The following DPYSL3 variants were observed in gnomAD, a reference collection of about 807,000 sequenced individuals.
DPYSL3 encodes dihydropyrimidinase-related protein 3.
Under a neutral mutation model 66.1 loss-of-function variants are expected in DPYSL3, and 16 were observed. That is an observed-to-expected ratio of 0.24 (90% CI 0.16 to 0.37). The LOEUF is 0.37. Ranked by LOEUF, DPYSL3 falls within the 10% of genes least tolerant of loss-of-function variation. The pLI, the probability that DPYSL3 is intolerant of heterozygous loss-of-function variation, is 1.00. For synonymous variants in DPYSL3, 338 were observed against 345.1 expected, an observed-to-expected ratio of 0.98 and a Z score of 0.23; for missense variants, 738 against 916.2, an observed-to-expected ratio of 0.81 and a Z score of 2.51.
intron 1 of DPYSL3, among the ~76,000 whole-genome samples, chr5:147,461,826 T>C (rs774824383): frequency 3.3e-5 from 5 of 152,118 alleles, no homozygotes; most frequent in Non-Finnish European, 5.9e-5. Flanking sequence ...CATTTATTAA[T>C]TGGAATAGAC....
intron 8 of DPYSL3, among the ~76,000 whole-genome samples, chr5:147,403,455 A>C (rs1758249143): frequency 6.6e-6 from 1 of 152,172 alleles, no homozygotes; most frequent in Non-Finnish European, 1.5e-5. Flanking sequence ...CAGCTCTCCC[A>C]GCTGGGAGAT....
rs140273603 is a variant in DPYSL3, at chr5:147,418,708, G to T, written c.471-77C>A. 930 of 1,318,804 alleles carry T rather than the reference G, an allele frequency of 7.1e-4. 3 individuals carry two copies. The African/African-American group carries it at 9.9e-3, about 14-fold the overall frequency. The allele number at this position is 1,318,804 out of a possible 1,614,324, so 81.7% of individuals were successfully genotyped here. A position where few individuals can be genotyped will look rare whatever the true frequency, so the allele number is the denominator to read the frequency against. On this transcript the variant is annotated intron_variant, in intron 2 of 13. Transcript: ENST00000343218. ...TGCAATTTCCAAGACAAATATAGTG[G>T]TATAAGGATTTTAAACAGTGTTACT...
intron 3 of DPYSL3, among the ~76,000 whole-genome samples, chr5:147,417,043 T>C (rs1186902850): frequency 6.6e-6 from 1 of 152,208 alleles, no homozygotes; most frequent in Non-Finnish European, 1.5e-5. Context: ...CTAACAGCGA[T>C]GTGGGATTAG....
chr5:147,417,888 C>T (rs981391350), intron 3 of DPYSL3, among the ~76,000 whole-genome samples: 10 of 152,246 alleles, frequency 6.6e-5, no homozygotes, highest in African/African-American at 2.2e-4. Flanking sequence ...CCTCCAGCGC[C>T]AGTTGCTTTT....
At chr5:147,402,442 G>C (rs1407967086) in intron 8 of DPYSL3, among the ~76,000 whole-genome samples, 87 of 119,720 alleles carry the variant, frequency 7.3e-4, no homozygotes, top group African/African-American at 3.0e-3. Context: ...CCGCCTCCCG[G>C]GTTCACGCCA....
At chr5:147,494,085 C>T (rs899275665) in intron 1 of DPYSL3, among the ~76,000 whole-genome samples, 2 of 151,708 alleles carry the variant, frequency 1.3e-5, no homozygotes, top group Non-Finnish European at 2.9e-5. Flanking sequence ...CCCAGCTACT[C>T]GGGAGGCTGA....
intron 8 of DPYSL3, among the ~76,000 whole-genome samples, chr5:147,402,164 G>A (rs1758200562): frequency 6.6e-6 from 1 of 152,106 alleles, no homozygotes; most frequent in African/African-American, 2.4e-5. Context: ...GAAGCATCTG[G>A]CACCTAGAGG....
At chr5:147,458,246 G>T (rs185551081) in intron 1 of DPYSL3, among the ~76,000 whole-genome samples, 1 of 152,260 alleles carries the variant, frequency 6.6e-6, no homozygotes, top group South Asian at 2.1e-4. Flanking sequence ...GATAAAACAG[G>T]TTGCACTAAA....
chr5:147,414,539 A>T (rs1348776678), intron 4 of DPYSL3, among the ~76,000 whole-genome samples: 4 of 152,200 alleles, frequency 2.6e-5, no homozygotes, highest in Non-Finnish European at 5.9e-5. Flanking sequence ...TTCCCTACCC[A>T]GAGTGGTTCA....
Position 147,394,067 on chromosome 5 carries a change from C to G in DPYSL3, c.2023G>C (p.Gly675Arg). 1 of 1,614,158 alleles carries G rather than the reference C, an allele frequency of 6.2e-7. No individual in the cohort carries two copies. Among genetic ancestry groups the G allele is most frequent in the Non-Finnish European group, 8.5e-7 (1 of 1,180,028 alleles). ...SASKRIVAPP[G>R]GRSNITSLS ...AGAGATGTGATATTAGAACGGCCGC[C>G]TGGGGGCGCCACGATGCGCTTGCTG... The change falls in exon 14 of 14, where the codon GGC (glycine) becomes CGC (arginine). Residue 675 changes from glycine to arginine, a missense_variant. Physicochemically the swap from Gly to Arg is moderately radical, Grantham distance 125. Transcript: ENST00000343218.
At chr5:147,450,651 A>G (rs1332622767) in intron 1 of DPYSL3, among the ~76,000 whole-genome samples, 3 of 152,190 alleles carry the variant, frequency 2.0e-5, no homozygotes, top group African/African-American at 4.8e-5. Context: ...TAAAACAAGG[A>G]TAGTAAGAAT....
chr5:147,499,361 A>G (rs1753569105), intron 1 of DPYSL3, among the ~76,000 whole-genome samples: 1 of 152,180 alleles, frequency 6.6e-6, no homozygotes, highest in African/African-American at 2.4e-5. Flanking sequence ...AGCACTGAAC[A>G]AGTTAAATTT....
Position 147,401,576 on chromosome 5 carries a change from G to A in DPYSL3, c.1274C>T (p.Pro425Leu). ...FVTSPPLSPDPTTPDYINSLL... is the reference protein window; with the variant it reads ...FVTSPPLSPDLTTPDYINSLL... Reference sequence around the variant, plus strand: ...GGAGTTGATGTAGTCCGGAGTAGTTGGGTCAGGGCTCAGGGGTGGGGATGT... The same window carrying A: ...GGAGTTGATGTAGTCCGGAGTAGTTAGGTCAGGGCTCAGGGGTGGGGATGT... The change falls in exon 9 of 14, where the codon CCA becomes CTA. Residue 425 changes from proline to leucine, a missense_variant. Physicochemically the swap from Pro to Leu is moderately conservative, Grantham distance 98. Transcript: ENST00000343218. The A allele has an allele frequency of 6.2e-7, 1 of 1,613,630 alleles. No homozygotes were observed. Among genetic ancestry groups the A allele is most frequent in the South Asian group, 1.1e-5 (1 of 90,892 alleles).
chr5:147,400,901 T>A (rs1473210112), intron 9 of DPYSL3, 68 bp from the exon 10 acceptor site: 2 of 1,565,822 alleles, frequency 1.3e-6, no homozygotes, highest in Admixed American at 3.5e-5. Flanking sequence ...GCTTAGAGTC[T>A]TGTGTTTACT....
chr5:147,425,086 T>G, intron 1 of DPYSL3, 123 bp from the exon 2 acceptor site: 1 of 669,104 alleles, frequency 1.5e-6, no homozygotes, highest in Non-Finnish European at 2.6e-6. Context: ...CAAAGACATA[T>G]GTGTGCTCAA....
intron 1 of DPYSL3, among the ~76,000 whole-genome samples, chr5:147,481,335 C>G (rs1753240162): frequency 6.6e-6 from 1 of 152,172 alleles, no homozygotes; most frequent in South Asian, 2.1e-4. Context: ...ATATATTACA[C>G]ATAATATGTC....
In DPYSL3 at chr5:147,405,510, T is replaced by C; in HGVS notation, c.1153+100A>G. 4.9e-6 allele frequency: 7 copies of C among 1,442,498 alleles called. No individual in the cohort carries two copies. The South Asian group carries it at 9.7e-5, about 20-fold the overall frequency. The allele number at this position is 1,442,498 out of a possible 1,614,324, so 89.4% of individuals were successfully genotyped here. On this transcript the variant is annotated intron_variant, in intron 8 of 13. Transcript: ENST00000343218. Reference sequence around the variant, plus strand: ...AGCGGCTTCCTAGGGAGCAAGGCAATGAGCAAAGTAGGCACCATTTATATT... The same window carrying C: ...AGCGGCTTCCTAGGGAGCAAGGCAACGAGCAAAGTAGGCACCATTTATATT...
intron 1 of DPYSL3, among the ~76,000 whole-genome samples, chr5:147,464,864 C>A (rs190507809): frequency 7.2e-5 from 11 of 152,202 alleles, no homozygotes; most frequent in Admixed American, 3.3e-4. Context: ...AGAGAAGAGA[C>A]CCTAAATCCT....
intron 1 of DPYSL3, among the ~76,000 whole-genome samples, chr5:147,442,877 T>C (rs1272221956): frequency 6.6e-6 from 1 of 152,094 alleles, no homozygotes; most frequent in Non-Finnish European, 1.5e-5. Context: ...ATACTGAAAG[T>C]TTACAGTGGT....
Sources: allele counts gnomAD v4.1 joint callset (sites outside exome capture counted in the v4.1 genomes callset), GRCh38; gene constraint gnomAD v4.1.1; transcripts MANE v1.5; gene names NCBI Gene and HGNC (gene_info 2026-07-23, HGNC 2026-07-21).